Variants in EPHB1 observed in about 807,000 individuals in gnomAD.
EPHB1 encodes the protein EPH receptor B1, also known as ephrin type-B receptor 1.
A neutral mutation model predicts 94.4 loss-of-function variants in EPHB1; 30 were observed. That is an observed-to-expected ratio of 0.32 (90% confidence interval 0.24 to 0.43). EPHB1 has a LOEUF of 0.43. Among genes scored for constraint, EPHB1 ranks in the 20% least tolerant of loss-of-function variants. The pLI, the probability that EPHB1 is intolerant of heterozygous loss-of-function variation, is 1.00. For synonymous variants in EPHB1, 522 were observed against 489.1 expected, an observed-to-expected ratio of 1.07 and a Z score of -0.89; for missense variants, 1,055 against 1,308.3, an observed-to-expected ratio of 0.81 and a Z score of 2.99.
In EPHB1 at chr3:135,132,741, T is replaced by A. The variant is rs2107687152; in HGVS notation, c.989T>A (p.Ile330Asn). The A allele has an allele frequency of 6.2e-7, 1 of 1,602,442 alleles. No homozygotes were observed. The highest frequency in any genetic ancestry group is 8.5e-7 in the Non-Finnish European group (1 of 1,171,224). ...GTCCCATCAGGTCCCCGCAATGTTA[T>A]CTCCATCGTCAATGAGACGTCCATC... The part of the protein sequence containing the change: ...TSVPSGPRNV[I>N]SIVNETSIIL... The change falls in exon 5 of 16, where the codon ATC becomes AAC. Residue 330 changes from isoleucine to asparagine, a missense_variant. Transcript: ENST00000398015.
intron 1 of EPHB1, among the ~76,000 whole-genome samples, chr3:134,802,774 A>G (rs1356773816): frequency 6.6e-6 from 1 of 152,162 alleles, no homozygotes; most frequent in Non-Finnish European, 1.5e-5. Flanking sequence ...CAGCCTAGCA[A>G]ATGAGTTCAT....
chr3:135,024,324 C>T (rs1576324430), intron 3 of EPHB1, among the ~76,000 whole-genome samples: 1 of 152,172 alleles, frequency 6.6e-6, no homozygotes, highest in Non-Finnish European at 1.5e-5. Flanking sequence ...ATTTTCATGT[C>T]ACAAACTGTT....
chr3:135,095,129 T>C (rs1938710544), intron 3 of EPHB1, among the ~76,000 whole-genome samples: 1 of 152,090 alleles, frequency 6.6e-6, no homozygotes, highest in African/African-American at 2.4e-5. Context: ...CCCAAAGTTA[T>C]AGGGACAGGG....
At chr3:134,974,666 T>G (rs1436720441) in intron 3 of EPHB1, among the ~76,000 whole-genome samples, 1 of 152,176 alleles carries the variant, frequency 6.6e-6, no homozygotes, top group East Asian at 1.9e-4. Flanking sequence ...GAGTTTTTGA[T>G]TTCCTGCTCC....
intron 5 of EPHB1, among the ~76,000 whole-genome samples, chr3:135,150,464 G>A (rs925909980): frequency 1.3e-5 from 2 of 152,206 alleles, no homozygotes; most frequent in African/African-American, 4.8e-5. Context: ...ATTGCAAGGT[G>A]TTGGGAAAGA....
chr3:134,959,697 A>C (rs756594710), intron 3 of EPHB1, among the ~76,000 whole-genome samples: 4 of 152,168 alleles, frequency 2.6e-5, no homozygotes, highest in Non-Finnish European at 5.9e-5. Context: ...CAGATAATAC[A>C]CAGCCCCTCA....
intron 1 of EPHB1, among the ~76,000 whole-genome samples, chr3:134,842,924 A>G (rs1250878474): frequency 6.6e-6 from 1 of 152,228 alleles, no homozygotes; most frequent in East Asian, 1.9e-4. Flanking sequence ...ATATAATTGT[A>G]TTACTTTTAA....
intron 4 of EPHB1, among the ~76,000 whole-genome samples, chr3:135,128,672 C>G (rs1940305128): frequency 6.6e-6 from 1 of 152,094 alleles, no homozygotes; most frequent in Non-Finnish European, 1.5e-5. Flanking sequence ...ATTTATTTCT[C>G]TGTTTCCTTC....
chr3:134,895,583 G>A (rs1023973304), intron 1 of EPHB1, among the ~76,000 whole-genome samples: 2 of 152,154 alleles, frequency 1.3e-5, no homozygotes, highest in Admixed American at 6.5e-5. Context: ...GACCTTTTAC[G>A]TGCAGATACA....
At chr3:134,851,412 C>T (rs1357667629) in intron 1 of EPHB1, among the ~76,000 whole-genome samples, 1 of 152,050 alleles carries the variant, frequency 6.6e-6, no homozygotes, top group African/African-American at 2.4e-5. Context: ...TCTGCTTTGT[C>T]CCCCACTTCC....
chr3:135,088,932 T>C (rs1938462252), intron 3 of EPHB1, among the ~76,000 whole-genome samples: 1 of 152,220 alleles, frequency 6.6e-6, no homozygotes, highest in Non-Finnish European at 1.5e-5. Context: ...ATGCCAGATA[T>C]TGTATCAAAC....
At chr3:134,976,179 G>A (rs751440574) in intron 3 of EPHB1, among the ~76,000 whole-genome samples, 7 of 152,194 alleles carry the variant, frequency 4.6e-5, no homozygotes, top group South Asian at 2.1e-4. Flanking sequence ...TGGGACTGCC[G>A]TTCCCCTACA....
chr3:134,944,150 C>T (rs1369297936), intron 2 of EPHB1, among the ~76,000 whole-genome samples: 1 of 152,184 alleles, frequency 6.6e-6, no homozygotes, highest in Non-Finnish European at 1.5e-5. Context: ...CAGGCAAATA[C>T]TAACATACCT....
chr3:134,850,744 T>C (rs2036963612), intron 1 of EPHB1, among the ~76,000 whole-genome samples: 1 of 152,248 alleles, frequency 6.6e-6, no homozygotes, highest in Non-Finnish European at 1.5e-5. Flanking sequence ...GCTCCCATGC[T>C]GGCTGTGATT....
intron 1 of EPHB1, among the ~76,000 whole-genome samples, chr3:134,855,989 C>G (rs1012538276): frequency 6.6e-6 from 1 of 152,170 alleles, no homozygotes; most frequent in Non-Finnish European, 1.5e-5. Context: ...AGGGTGGAGT[C>G]AGGATCCCAA....
intron 1 of EPHB1, among the ~76,000 whole-genome samples, chr3:134,806,785 T>G (rs1471002763): frequency 6.6e-6 from 1 of 152,080 alleles, no homozygotes; most frequent in Admixed American, 6.5e-5. Context: ...CCAGAAATAT[T>G]ACAGCCCTTG....
chr3:134,971,929 A>T (rs539565713), intron 3 of EPHB1, among the ~76,000 whole-genome samples: 203 of 152,298 alleles, frequency 1.3e-3, no homozygotes, highest in African/African-American at 4.6e-3. Flanking sequence ...ATTTTTAGTC[A>T]TCAGACCTGT....
chr3:134,972,556 A>G (rs1934019786), intron 3 of EPHB1, among the ~76,000 whole-genome samples: 1 of 144,702 alleles, frequency 6.9e-6, no homozygotes, highest in Non-Finnish European at 1.5e-5. Flanking sequence ...TATATTATAA[A>G]TATATTATAT....
chr3:135,100,645 GTGA>G (rs1323549484), intron 3 of EPHB1, among the ~76,000 whole-genome samples: 3 of 152,152 alleles, frequency 2.0e-5, no homozygotes, highest in Non-Finnish European at 2.9e-5. Flanking sequence ...AGTACTGTGG[GTGA>G]TGGACTCAGT....
Sources: gnomAD v4.1 joint callset for allele counts (sites outside exome capture counted in the v4.1 genomes callset) on GRCh38, gnomAD v4.1.1 for gene constraint, MANE v1.5 for transcripts, NCBI Gene and HGNC (gene_info 2026-07-23, HGNC 2026-07-21) for gene names.